The following AHCYL2 variants were observed in gnomAD, a reference collection of about 807,000 sequenced individuals.
AHCYL2 encodes adenosylhomocysteinase like 2, also known as S-adenosylhomocysteine hydrolase-like protein 2.
AHCYL2 carries 28 observed loss-of-function variants against 81.4 expected under a neutral mutation model. That is an observed-to-expected ratio of 0.34 (90% CI 0.25 to 0.47). The LOEUF is 0.47. Ranked by LOEUF, AHCYL2 falls within the 20% of genes least tolerant of loss-of-function variation. The pLI is 1.00. For missense variants in AHCYL2, 551 were observed against 785.1 expected, an observed-to-expected ratio of 0.70 and a Z score of 3.56; for synonymous variants, 272 against 290.2, an observed-to-expected ratio of 0.94 and a Z score of 0.64.
intron 1 of AHCYL2, among the ~76,000 whole-genome samples, chr7:129,351,214 A>T (rs986392124): frequency 1.3e-5 from 2 of 152,232 alleles, no homozygotes; most frequent in Non-Finnish European, 2.9e-5. Flanking sequence ...GGCATAAGGA[A>T]CACTTTTGGA....
At chr7:129,303,268 G>A (rs1273863306) in intron 1 of AHCYL2, among the ~76,000 whole-genome samples, 2 of 152,154 alleles carry the variant, frequency 1.3e-5, no homozygotes, top group Non-Finnish European at 2.9e-5. Flanking sequence ...GAAAGTGCTG[G>A]GATTACAGGC....
intron 1 of AHCYL2, among the ~76,000 whole-genome samples, chr7:129,329,975 G>A (rs1258245664): frequency 6.6e-6 from 1 of 152,134 alleles, no homozygotes; most frequent in Non-Finnish European, 1.5e-5. Context: ...GGAACCTTGG[G>A]AATAGAAAAC....
At chr7:129,254,821 G>A (rs547191555) in intron 1 of AHCYL2, among the ~76,000 whole-genome samples, 79 of 152,324 alleles carry the variant, frequency 5.2e-4, no homozygotes, top group Non-Finnish European at 9.4e-4. Context: ...GTCACAGGCT[G>A]TGATGGGGAA....
At chr7:129,339,725 C>G (rs1485953989) in intron 1 of AHCYL2, among the ~76,000 whole-genome samples, 1 of 151,536 alleles carries the variant, frequency 6.6e-6, no homozygotes, top group Non-Finnish European at 1.5e-5. Flanking sequence ...GAGATAAGGT[C>G]TTGCTTTGTT....
At chr7:129,423,675 A>G (rs1797222127) in intron 13 of AHCYL2, among the ~76,000 whole-genome samples, 1 of 152,130 alleles carries the variant, frequency 6.6e-6, no homozygotes, top group Admixed American at 6.5e-5. Context: ...TTTGATTTTC[A>G]GTTGGTTTTT....
chr7:129,426,378 G>C lies in AHCYL2; in HGVS notation c.1709-65G>C. 12 of 1,612,896 alleles carry C rather than the reference G, an allele frequency of 7.4e-6. No individual in the cohort carries two copies. The highest frequency in any genetic ancestry group is 9.3e-6 in the Non-Finnish European group (11 of 1,179,090). On this transcript the variant is annotated intron_variant, in intron 15 of 16. Coordinates refer to ENST00000325006, the MANE Select transcript of AHCYL2 (RefSeq NM_015328.4). The surrounding 1 kb of genome is among the most constrained non-coding windows in gnomAD (Gnocchi z 4.3). ...CTTTGAACTTTTTAAGGCCTAGCTTGGGGACAATAGCCATCAGATAAAAGG... is the reference window on the plus strand; with the variant it reads ...CTTTGAACTTTTTAAGGCCTAGCTTCGGGACAATAGCCATCAGATAAAAGG...
chr7:129,287,664 T>C (rs1185531766), intron 1 of AHCYL2, among the ~76,000 whole-genome samples: 1 of 152,210 alleles, frequency 6.6e-6, no homozygotes, highest in Non-Finnish European at 1.5e-5. Flanking sequence ...AATTTTAGAC[T>C]ATTGGATTTG....
intron 13 of AHCYL2, 152 bp downstream of exon 13, chr7:129,423,090 G>C: frequency 1.6e-6 from 1 of 620,560 alleles, no homozygotes. Context: ...AATTGTGAAA[G>C]ATCTTTTCAT....
intron 1 of AHCYL2, among the ~76,000 whole-genome samples, chr7:129,258,452 A>G (rs759413751): frequency 1.6e-4 from 24 of 151,946 alleles, no homozygotes; most frequent in Non-Finnish European, 2.9e-5. Flanking sequence ...ATGTTCTTTT[A>G]GATAATTGCC....
chr7:129,403,337 CTT>C, intron 6 of AHCYL2, 40 bp from the exon 7 acceptor site: 1 of 1,427,278 alleles, frequency 7.0e-7, no homozygotes, highest in Non-Finnish European at 9.7e-7. Flanking sequence ...AGCCTTGAGA[CTT>C]CAGCAAAGTG....
chr7:129,357,742 G>A (rs1436686948), intron 1 of AHCYL2, among the ~76,000 whole-genome samples: 1 of 152,028 alleles, frequency 6.6e-6, no homozygotes, highest in Non-Finnish European at 1.5e-5. Context: ...AGACCATGCT[G>A]GCTAACACGA....
At chr7:129,237,574 T>G (rs1396721239) in intron 1 of AHCYL2, among the ~76,000 whole-genome samples, 1 of 152,066 alleles carries the variant, frequency 6.6e-6, no homozygotes, top group East Asian at 1.9e-4. Flanking sequence ...TTTTTGTTTA[T>G]GTAGATTAGT....
chr7:129,354,025 A>T lies in AHCYL2; in HGVS notation c.364-25613A>T, dbSNP rs564936009. Reference sequence around the variant, plus strand: ...GTATCCAATAGGCGTAGCAATAAGGACATAGTAACCATGGCATGAATAATT... The same window carrying T: ...GTATCCAATAGGCGTAGCAATAAGGTCATAGTAACCATGGCATGAATAATT... On this transcript the variant is annotated intron_variant, in intron 1 of 16. Coordinates refer to ENST00000325006, the MANE Select transcript of AHCYL2 (RefSeq NM_015328.4). Among the ~76,000 whole-genome samples, 9 of 152,308 alleles carry T rather than the reference A, an allele frequency of 5.9e-5. No individual in the cohort carries two copies. The South Asian group carries it at 1.9e-3, about 32-fold the overall frequency.
intron 6 of AHCYL2, 127 bp from the exon 7 acceptor site, chr7:129,403,252 C>T: frequency 1.8e-6 from 1 of 554,720 alleles, no homozygotes; most frequent in Non-Finnish European, 3.2e-6. Flanking sequence ...AGTTACTTTG[C>T]ATAACCATAT....
chr7:129,355,684 G>A (rs148331888), intron 1 of AHCYL2, among the ~76,000 whole-genome samples: 3 of 152,288 alleles, frequency 2.0e-5, no homozygotes, highest in African/African-American at 7.2e-5. Context: ...TAGAGAATGA[G>A]TTGTTATTTG....
chr7:129,246,256 C>G (rs1299589651), intron 1 of AHCYL2, among the ~76,000 whole-genome samples: 4 of 152,108 alleles, frequency 2.6e-5, no homozygotes, highest in African/African-American at 9.7e-5. Context: ...CAGGGTTTCT[C>G]CATGTTGGTC....
intron 1 of AHCYL2, among the ~76,000 whole-genome samples, chr7:129,327,836 C>G (rs987854006): frequency 6.6e-6 from 1 of 152,094 alleles, no homozygotes; most frequent in African/African-American, 2.4e-5. Context: ...CTCTGTCACC[C>G]AGGCTGTAGT....
At chr7:129,385,870 AC>A (rs1795176178) in intron 2 of AHCYL2, among the ~76,000 whole-genome samples, 1 of 152,208 alleles carries the variant, frequency 6.6e-6, no homozygotes, top group Non-Finnish European at 1.5e-5. Context: ...GTTTGTACAT[AC>A]GTGTTGGGTT....
chr7:129,360,328 C>T (rs1004443254), intron 1 of AHCYL2, among the ~76,000 whole-genome samples: 1 of 152,088 alleles, frequency 6.6e-6, no homozygotes, highest in Admixed American at 6.5e-5. Flanking sequence ...TTTGGTCAGG[C>T]TGGTCTCGAA....
Sources: gnomAD v4.1 joint callset for allele counts (sites outside exome capture counted in the v4.1 genomes callset) on GRCh38, gnomAD v4.1.1 for gene constraint, Gnocchi (gnomAD v3.1) non-coding constraint, MANE v1.5 for transcripts, NCBI Gene and HGNC (gene_info 2026-07-23, HGNC 2026-07-21) for gene names.